Variants in GPHN observed in about 807,000 individuals in gnomAD.
GPHN encodes the protein gephyrin.
In GPHN, 17 loss-of-function variants were observed where a neutral mutation model predicts 95.5. The ratio of observed to expected loss-of-function variants is 0.18; its 90% CI spans 0.12 to 0.27. The LOEUF is 0.27. GPHN is among the 10% of genes least tolerant of loss of function. GPHN has a pLI of 1.00. For synonymous variants in GPHN, 320 were observed against 322.5 expected, an observed-to-expected ratio of 0.99 and a Z score of 0.08; for missense variants, 660 against 978.1, an observed-to-expected ratio of 0.67 and a Z score of 4.34.
Position 66,891,761 on chromosome 14 carries a change from TA to T in GPHN, c.389+11729del, listed in dbSNP as rs199831503. Among the ~76,000 whole-genome samples, 418 of 149,994 alleles carry T rather than the reference TA, an allele frequency of 2.8e-3. 1 individual carries two copies. The highest frequency in any genetic ancestry group is 5.2e-3 in the Admixed American group (79 of 15,080). ...AAGGTATTAATATTCTATATATATA[TA>T]TTTTTTTTAATTCCTACAAGTCAAT... On this transcript the variant is annotated intron_variant, in intron 5 of 22. Coordinates refer to ENST00000478722, the MANE Select transcript of GPHN (RefSeq NM_020806.5).
chr14:67,447,221 G>A, the GPHN span: 1 of 152,106 alleles, frequency 6.6e-6, no homozygotes, highest in Non-Finnish European at 1.5e-5. Flanking sequence ...GTCCTTACAT[G>A]GTGAGATGAG....
chr14:67,082,749 G>A (rs1195047224), intron 11 of GPHN, among the ~76,000 whole-genome samples: 2 of 152,032 alleles, frequency 1.3e-5, no homozygotes, highest in Non-Finnish European at 2.9e-5. Context: ...AACACAGGCT[G>A]TCTTTCCATT....
intron 10 of GPHN, among the ~76,000 whole-genome samples, chr14:67,044,201 G>T (rs1285977766): frequency 1.3e-5 from 2 of 152,170 alleles, no homozygotes; most frequent in African/African-American, 4.8e-5. Context: ...GCCAGGCATG[G>T]TGACACATAC....
intron 21 of GPHN, among the ~76,000 whole-genome samples, chr14:67,170,844 C>T (rs1428582100): frequency 6.6e-6 from 1 of 152,208 alleles, no homozygotes. Context: ...ACATATACTT[C>T]CTTGAAACGT....
chr14:66,996,303 T>C (rs969474546), intron 9 of GPHN: 2 of 933,510 alleles, frequency 2.1e-6, no homozygotes, highest in Non-Finnish European at 3.3e-6. Flanking sequence ...TTCGCCTTAA[T>C]TTATTTTGCC....
the GPHN span, among the ~76,000 whole-genome samples, chr14:67,375,529 C>CAA: frequency 0.024 from 3,151 of 131,270 alleles, 40 homozygotes; most frequent in Non-Finnish European, 0.034. Context: ...GATAAAATAT[C>CAA]AAAAAAAAAA....
intron 2 of GPHN, among the ~76,000 whole-genome samples, chr14:66,689,907 CTT>C (rs994217301): frequency 6.6e-6 from 1 of 151,132 alleles, no homozygotes; most frequent in African/African-American, 2.4e-5. Context: ...TTATTTGAGT[CTT>C]TTTTTATCTT....
At chr14:67,456,100 G>A in the GPHN span, among the ~76,000 whole-genome samples, 41 of 152,184 alleles carry the variant, frequency 2.7e-4, no homozygotes, top group African/African-American at 9.4e-4. Context: ...AATCTATAAG[G>A]AACTTAAACA....
At chr14:67,306,384 G>A in the GPHN span, among the ~76,000 whole-genome samples, 5 of 151,376 alleles carry the variant, frequency 3.3e-5, no homozygotes, top group East Asian at 1.9e-4. Context: ...TTGCTCTGTC[G>A]CCCAGGCTGG....
the GPHN span, among the ~76,000 whole-genome samples, chr14:67,234,889 C>T: frequency 6.6e-6 from 1 of 150,826 alleles, no homozygotes; most frequent in East Asian, 2.0e-4. Context: ...GGTGCGGTGG[C>T]TCATGCCTGT....
chr14:67,443,811 C>A, the GPHN span, among the ~76,000 whole-genome samples: 1 of 151,928 alleles, frequency 6.6e-6, no homozygotes, highest in East Asian at 1.9e-4. Flanking sequence ...ATGGCATGTC[C>A]CCAGTTAAGC....
At chr14:66,953,820 G>A (rs1229741781) in intron 8 of GPHN, among the ~76,000 whole-genome samples, 1 of 152,154 alleles carries the variant, frequency 6.6e-6, no homozygotes, top group African/African-American at 2.4e-5. Flanking sequence ...ATCACTTGAG[G>A]TCAGGCGTTT....
chr14:66,876,383 G>A (rs954678884), intron 4 of GPHN, among the ~76,000 whole-genome samples: 11 of 151,724 alleles, frequency 7.3e-5, no homozygotes, highest in East Asian at 5.8e-4. Flanking sequence ...AGCAGAAGAC[G>A]AGAAATAACT....
At chr14:66,625,678 A>G (rs1353133563) in intron 1 of GPHN, among the ~76,000 whole-genome samples, 1 of 152,096 alleles carries the variant, frequency 6.6e-6, no homozygotes. Flanking sequence ...CAAGTACACA[A>G]TTTGTCAGTC....
the GPHN span, among the ~76,000 whole-genome samples, chr14:67,397,476 G>T: frequency 2.0e-5 from 3 of 152,228 alleles, no homozygotes; most frequent in African/African-American, 7.2e-5. Context: ...AGGAACGAAG[G>T]CTCAGAGAGG....
chr14:66,800,862 C>T (rs560349586), intron 3 of GPHN, among the ~76,000 whole-genome samples: 5 of 152,144 alleles, frequency 3.3e-5, no homozygotes, highest in East Asian at 3.9e-4. Flanking sequence ...TTCTCTTGAT[C>T]GTGTAGGCAT....
At chr14:66,633,433 G>A (rs1021781609) in intron 1 of GPHN, among the ~76,000 whole-genome samples, 2 of 152,030 alleles carry the variant, frequency 1.3e-5, no homozygotes, top group African/African-American at 4.8e-5. Context: ...TTATATAAAT[G>A]GAATTTTGCA....
intron 1 of GPHN, among the ~76,000 whole-genome samples, chr14:66,613,865 A>G (rs1185210693): frequency 1.3e-5 from 2 of 152,120 alleles, no homozygotes; most frequent in African/African-American, 2.4e-5. Context: ...TTAAATTCTT[A>G]TTATTAATGC....
chr14:66,932,604 C>T (rs1157161047), intron 8 of GPHN, among the ~76,000 whole-genome samples: 1 of 150,366 alleles, frequency 6.7e-6, no homozygotes, highest in East Asian at 2.0e-4. Flanking sequence ...AAGACAAAGT[C>T]CTCTTTACTT....
Sources: gnomAD v4.1 joint callset for allele counts (sites outside exome capture counted in the v4.1 genomes callset) on GRCh38, gnomAD v4.1.1 for gene constraint, MANE v1.5 for transcripts, NCBI Gene and HGNC (gene_info 2026-07-23, HGNC 2026-07-21) for gene names.